The following SAP130 variants were observed in gnomAD, a reference collection of about 807,000 sequenced individuals.
The protein encoded by SAP130 is Sin3A associated protein 130, also known as histone deacetylase complex subunit SAP130.
SAP130 carries 16 observed loss-of-function variants against 103.2 expected under a neutral mutation model. The observed-to-expected ratio is 0.16, with a 90% CI of 0.10 to 0.24. The LOEUF is 0.24. Ranked by LOEUF, SAP130 falls within the 10% of genes least tolerant of loss-of-function variation. The pLI, the probability that SAP130 is intolerant of heterozygous loss-of-function variation, is 1.00. For missense variants in SAP130, 990 were observed against 1,359.7 expected (o/e 0.73, Z 4.28); for synonymous variants, 477 against 497.0 (o/e 0.96, Z 0.53).
intron 15 of SAP130, among the ~76,000 whole-genome samples, chr2:127,965,777 G>A (rs907953550): frequency 4.6e-5 from 7 of 151,998 alleles, no homozygotes; most frequent in East Asian, 3.9e-4. Flanking sequence ...GCGACAGAGC[G>A]AGACTGTCTC....
At chr2:127,983,108 A>G (rs1011006122) in intron 14 of SAP130, among the ~76,000 whole-genome samples, 1 of 152,168 alleles carries the variant, frequency 6.6e-6, no homozygotes, top group Non-Finnish European at 1.5e-5. Flanking sequence ...CACTATCACT[A>G]AAAAGTGCCA....
rs1387235206 is a variant in SAP130, at chr2:127,942,849, G to A, written c.2902-312C>T. Among the ~76,000 whole-genome samples, 3 of 152,126 alleles carry A rather than the reference G, an allele frequency of 2.0e-5. No individual in the cohort carries two copies. Among genetic ancestry groups the A allele is most frequent in the Admixed American group, 6.6e-5 (1 of 15,266 alleles). On this transcript the variant is annotated intron_variant, in intron 19 of 20. Coordinates refer to ENST00000643581, the MANE Select transcript of SAP130 (RefSeq NM_001330301.2). This position sits in a 1 kb window ranked among gnomAD's most constrained non-coding sequence, Gnocchi z 4.8. ...ATTAAAAATACAAAATTAGCTGGGC[G>A]TGGTGGCGCATGCCTGCAATCCCAG...
chr2:127,947,240 C>T (rs1173786662), intron 18 of SAP130, among the ~76,000 whole-genome samples: 1 of 152,010 alleles, frequency 6.6e-6, no homozygotes, highest in Admixed American at 6.6e-5. Flanking sequence ...GGACTTCTAG[C>T]CCCCAGAACC....
At chr2:127,967,024 A>G (rs901778594) in intron 15 of SAP130, among the ~76,000 whole-genome samples, 4 of 152,234 alleles carry the variant, frequency 2.6e-5, no homozygotes, top group African/African-American at 7.2e-5. Flanking sequence ...GCCTATATCA[A>G]TATCAGAGAA....
chr2:127,985,017 C>CTT (rs1682271512), intron 14 of SAP130, among the ~76,000 whole-genome samples: 1 of 152,236 alleles, frequency 6.6e-6, no homozygotes, highest in Admixed American at 6.5e-5. Flanking sequence ...GAGGATGGTT[C>CTT]TCAACTTTCC....
chr2:128,025,651 T>C (rs1222318401), intron 2 of SAP130, among the ~76,000 whole-genome samples: 2 of 152,148 alleles, frequency 1.3e-5, no homozygotes, highest in Non-Finnish European at 2.9e-5. Context: ...TTACAAGTAA[T>C]CTAGAGATGA....
chr2:128,014,239 T>C (rs1461107207), intron 5 of SAP130, among the ~76,000 whole-genome samples: 1 of 152,204 alleles, frequency 6.6e-6, no homozygotes, highest in Non-Finnish European at 1.5e-5. Context: ...TTTTTCTTTT[T>C]CTTGAGACAG....
chr2:127,990,893 G>A (rs1234924936), intron 12 of SAP130, among the ~76,000 whole-genome samples: 1 of 145,986 alleles, frequency 6.8e-6, no homozygotes. Context: ...AGTGAGGTAT[G>A]ATTGCACCAC....
chr2:127,968,973 C>T (rs1006230773), intron 15 of SAP130, among the ~76,000 whole-genome samples: 2 of 152,194 alleles, frequency 1.3e-5, no homozygotes, highest in African/African-American at 4.8e-5. Flanking sequence ...AGAGACTACG[C>T]GACTCACAAA....
chr2:128,007,028 G>A (rs1684029458), intron 7 of SAP130, among the ~76,000 whole-genome samples: 1 of 152,114 alleles, frequency 6.6e-6, no homozygotes. Flanking sequence ...TGCTAAAAAT[G>A]CATTCAACAA....
At chr2:127,990,444 C>A (rs1169400795) in intron 12 of SAP130, among the ~76,000 whole-genome samples, 2 of 151,694 alleles carry the variant, frequency 1.3e-5, no homozygotes, top group African/African-American at 4.8e-5. Context: ...AGAAAATAAA[C>A]ACAGAGGACT....
intron 18 of SAP130, among the ~76,000 whole-genome samples, chr2:127,946,201 G>A (rs955380348): frequency 2.6e-5 from 4 of 152,170 alleles, no homozygotes; most frequent in Non-Finnish European, 1.5e-5. Context: ...AAGGAAGTGA[G>A]TCCATTTGCA....
intron 15 of SAP130, among the ~76,000 whole-genome samples, chr2:127,974,834 A>T (rs1201939314): frequency 1.3e-5 from 2 of 152,100 alleles, no homozygotes; most frequent in Non-Finnish European, 2.9e-5. Flanking sequence ...AAAGATTATA[A>T]TTTCTATGTT....
intron 16 of SAP130, among the ~76,000 whole-genome samples, chr2:127,954,298 G>A (rs1679684405): frequency 6.6e-6 from 1 of 152,126 alleles, no homozygotes; most frequent in African/African-American, 2.4e-5. Context: ...AGAAAGAAAT[G>A]GAGGACTTCT....
At chr2:127,999,275 T>A (rs536753129) in intron 10 of SAP130, among the ~76,000 whole-genome samples, 1 of 152,254 alleles carries the variant, frequency 6.6e-6, no homozygotes, top group African/African-American at 2.4e-5. Context: ...ACCCACACTT[T>A]ACGTCCAGTC....
chr2:127,982,611 G>A (rs1271287005), intron 14 of SAP130, among the ~76,000 whole-genome samples: 3 of 152,186 alleles, frequency 2.0e-5, no homozygotes, highest in Non-Finnish European at 4.4e-5. Flanking sequence ...ATACTTTGAT[G>A]GGCTGCTTTA....
rs1678728944 is a variant in SAP130 at position 127,941,775 on chromosome 2, ACAGAT to A, written c.*226_*230del. The A allele has an allele frequency of 1.9e-6, 1 of 519,980 alleles. No homozygotes were observed. Among genetic ancestry groups the A allele is most frequent in the Admixed American group, 3.9e-5 (1 of 25,614 alleles). The allele number at this position is 519,980 out of a possible 1,614,324, so 32.2% of individuals were successfully genotyped here. On this transcript the variant is annotated 3_prime_UTR_variant, in exon 21 of 21. Transcript: ENST00000643581. ...TGATGCATCCGGAGTCACTTATGAC[ACAGAT>A]CAGGTTTAACAGGGGTGCACCCGAA... is the stretch of plus-strand genomic sequence containing the variant.
chr2:127,986,275 T>G lies in SAP130; in HGVS notation c.1958+510A>C, dbSNP rs1682382194. Among the ~76,000 whole-genome samples the G allele has an allele frequency of 6.6e-6, 1 of 152,146 alleles. No homozygotes were observed. The highest frequency in any genetic ancestry group is 6.5e-5 in the Admixed American group (1 of 15,280). ...GCTGTAAACATTCACCTCTAGACAC[T>G]GCTGTAGGGTTGGAGCGACACAGCC... On this transcript the variant is annotated intron_variant, in intron 14 of 20. Coordinates refer to ENST00000643581, the MANE Select transcript of SAP130 (RefSeq NM_001330301.2). This position sits in a 1 kb window ranked among gnomAD's most constrained non-coding sequence, Gnocchi z 4.7.
At chr2:128,009,224 C>T (rs887611765) in intron 7 of SAP130, among the ~76,000 whole-genome samples, 2 of 152,058 alleles carry the variant, frequency 1.3e-5, no homozygotes, top group African/African-American at 4.8e-5. Context: ...GCCTATAATC[C>T]CAGCACTTAG....
Sources: allele counts gnomAD v4.1 joint callset (sites outside exome capture counted in the v4.1 genomes callset), GRCh38; gene constraint gnomAD v4.1.1; non-coding constraint Gnocchi (gnomAD v3.1); transcripts MANE v1.5; gene names NCBI Gene and HGNC (gene_info 2026-07-23, HGNC 2026-07-21).